The following GREM2 variants were observed in gnomAD, a reference collection of about 807,000 sequenced individuals.
GREM2 encodes the protein gremlin-2.
In GREM2, 11 loss-of-function variants were observed where a neutral mutation model predicts 14.2. That is an observed-to-expected ratio of 0.78 (90% confidence interval 0.49 to 1.28). GREM2 has a LOEUF of 1.28. Ranked by LOEUF, GREM2 falls within the 50% of genes most tolerant of loss-of-function variation. The pLI, the probability that GREM2 is intolerant of heterozygous loss-of-function variation, is 0.00. For missense variants in GREM2, 210 were observed against 218.5 expected, an observed-to-expected ratio of 0.96 and a Z score of 0.24; for synonymous variants, 98 against 97.6, an observed-to-expected ratio of 1.00 and a Z score of -0.02.
intron 1 of GREM2, among the ~76,000 whole-genome samples, chr1:240,501,053 T>C (rs1677560195): frequency 6.6e-6 from 1 of 152,220 alleles, no homozygotes; most frequent in Admixed American, 6.5e-5. Context: ...TCTGAAACAT[T>C]TGAGATGGCA....
intron 1 of GREM2, among the ~76,000 whole-genome samples, chr1:240,497,578 G>GT (rs1433811388): frequency 6.6e-6 from 1 of 151,068 alleles, no homozygotes; most frequent in Non-Finnish European, 1.5e-5. Context: ...AAAGCAAAGG[G>GT]TTTGGTACTG....
intron 1 of GREM2, among the ~76,000 whole-genome samples, chr1:240,607,195 G>T (rs1360730536): frequency 6.6e-6 from 1 of 152,146 alleles, no homozygotes; most frequent in Non-Finnish European, 1.5e-5. Flanking sequence ...TTTACAGCTG[G>T]AATGAAGCCC....
intron 1 of GREM2, among the ~76,000 whole-genome samples, chr1:240,600,428 A>C (rs1679899648): frequency 1.3e-5 from 2 of 152,070 alleles, no homozygotes; most frequent in Admixed American, 1.3e-4. Flanking sequence ...CTATGTGTCC[A>C]TGTCTTTACC....
At chr1:240,549,229 G>A (rs775354341) in intron 1 of GREM2, among the ~76,000 whole-genome samples, 1 of 151,826 alleles carries the variant, frequency 6.6e-6, no homozygotes, top group Non-Finnish European at 1.5e-5. Context: ...CCAGCTATTC[G>A]AGAGGCCGAG....
intron 1 of GREM2, chr1:240,530,621 C>A (rs1678333657): frequency 6.6e-6 from 1 of 152,148 alleles, no homozygotes; most frequent in African/African-American, 2.4e-5. Flanking sequence ...TAATAGTTAT[C>A]ATCACTAACC....
intron 1 of GREM2, among the ~76,000 whole-genome samples, chr1:240,577,918 T>G (rs1679402723): frequency 6.6e-6 from 1 of 152,192 alleles, no homozygotes; most frequent in African/African-American, 2.4e-5. Flanking sequence ...AGACAAAATA[T>G]CCAAGAGTTC....
At chr1:240,609,323 T>G (rs1219014577) in intron 1 of GREM2, among the ~76,000 whole-genome samples, 1 of 151,922 alleles carries the variant, frequency 6.6e-6, no homozygotes, top group Non-Finnish European at 1.5e-5. Context: ...CAACTGGAAG[T>G]GGTGGTGATG....
chr1:240,590,685 T>A (rs746121629), intron 1 of GREM2: 3 of 152,156 alleles, frequency 2.0e-5, no homozygotes, highest in Non-Finnish European at 4.4e-5. Flanking sequence ...CACCTCGGCC[T>A]CCCAAAGTGC....
chr1:240,503,438 T>A (rs1296852899), intron 1 of GREM2, among the ~76,000 whole-genome samples: 2 of 152,176 alleles, frequency 1.3e-5, no homozygotes, highest in East Asian at 3.9e-4. Context: ...TCAGCTCCTA[T>A]CAGAGTGGAC....
chr1:240,519,341 A>C (rs1414638734), intron 1 of GREM2, among the ~76,000 whole-genome samples: 1 of 142,884 alleles, frequency 7.0e-6, no homozygotes, highest in Admixed American at 7.0e-5. Flanking sequence ...TAACTTCTCT[A>C]GTTTTTTTTT....
At position 240,516,373 on chromosome 1, in the gene GREM2, A is replaced by G. The variant is rs111397859; in HGVS notation, c.-1-22897T>C. Among the ~76,000 whole-genome samples the G allele has an allele frequency of 7.9e-3, 1,201 of 152,236 alleles. 16 individuals carry two copies. The highest frequency in any genetic ancestry group is 0.027 in the African/African-American group (1,135 of 41,516). ...AACTGATTAATAGATTTGATGTTGA[A>G]AATCCAGTCTGTTTTCTCTTTATCA... On this transcript the variant is annotated intron_variant, in intron 1 of 1. Transcript: ENST00000318160.
chr1:240,507,271 GCCTTCCTGCCTTCCTCCCTCCCTCCCTC>G (rs1335109548), intron 1 of GREM2, among the ~76,000 whole-genome samples: 1 of 151,852 alleles, frequency 6.6e-6, no homozygotes, highest in Non-Finnish European at 1.5e-5. Flanking sequence ...CTTCCTGCCT[GCCTTCCTGCCTTCCTCCCTCCCTCCCTC>G]CCTTCCTTCC....
Position 240,605,684 on chromosome 1 carries a change from G to A in GREM2, c.-2+6200C>T, listed in dbSNP as rs907287993. Among the ~76,000 whole-genome samples, 10 of 151,678 alleles carry A rather than the reference G, an allele frequency of 6.6e-5. 1 individual carries two copies. The South Asian group carries it at 2.1e-3, about 32-fold the overall frequency. On this transcript the variant is annotated intron_variant, in intron 1 of 1. Coordinates refer to ENST00000318160, the MANE Select transcript of GREM2 (RefSeq NM_022469.4). Reference sequence around the variant, plus strand: ...TTCAGTAATCTTATCATTTTCTTCTGCTTGAGCAAGAATTTGTTAATTTCC... The same window carrying A: ...TTCAGTAATCTTATCATTTTCTTCTACTTGAGCAAGAATTTGTTAATTTCC...
At chr1:240,563,122 AGTGT>A (rs750121441) in intron 1 of GREM2, among the ~76,000 whole-genome samples, 1 of 101,884 alleles carries the variant, frequency 9.8e-6, no homozygotes, top group Non-Finnish European at 2.1e-5. Context: ...TGTATATGTG[AGTGT>A]GTATGTGTAT....
intron 1 of GREM2, among the ~76,000 whole-genome samples, chr1:240,565,526 G>C (rs1413402178): frequency 6.6e-6 from 1 of 151,910 alleles, no homozygotes. Context: ...TGGTCTGTTG[G>C]GTACGATCAT....
intron 1 of GREM2, among the ~76,000 whole-genome samples, chr1:240,544,149 G>A (rs1013693505): frequency 7.2e-6 from 1 of 138,392 alleles, no homozygotes; most frequent in African/African-American, 3.2e-5. Context: ...CAAGCACTAG[G>A]CCTTTTTTTT....
chr1:240,566,010 G>A (rs543664327), intron 1 of GREM2, among the ~76,000 whole-genome samples: 74 of 152,150 alleles, frequency 4.9e-4, no homozygotes, highest in Non-Finnish European at 9.0e-4. Flanking sequence ...TTGCATTACG[G>A]TCACAGGCAA....
intron 1 of GREM2, among the ~76,000 whole-genome samples, chr1:240,570,509 T>G (rs1679240289): frequency 6.6e-6 from 1 of 152,130 alleles, no homozygotes; most frequent in Admixed American, 6.6e-5. Context: ...ATGGAAGGTT[T>G]GTGAACAAGT....
At chr1:240,513,227 A>G (rs1204269775) in intron 1 of GREM2, among the ~76,000 whole-genome samples, 1 of 152,118 alleles carries the variant, frequency 6.6e-6, no homozygotes, top group African/African-American at 2.4e-5. Context: ...GTGTGAGGAG[A>G]GAGAAGAGCT....
Sources: gnomAD v4.1 joint callset for allele counts (sites outside exome capture counted in the v4.1 genomes callset) on GRCh38, gnomAD v4.1.1 for gene constraint, MANE v1.5 for transcripts, NCBI Gene and HGNC (gene_info 2026-07-23, HGNC 2026-07-21) for gene names.